The following ZSWIM5 variants were observed in gnomAD, a reference collection of about 807,000 sequenced individuals.
ZSWIM5 encodes the protein zinc finger SWIM-type containing 5, also known as zinc finger SWIM domain-containing protein 5.
Under a neutral mutation model 119.6 loss-of-function variants are expected in ZSWIM5, and 55 were observed. That is an observed-to-expected ratio of 0.46 (90% CI 0.37 to 0.58). The LOEUF is 0.58. Ranked by LOEUF, ZSWIM5 falls within the 20% of genes least tolerant of loss-of-function variation. The pLI, the probability that ZSWIM5 is intolerant of heterozygous loss-of-function variation, is 0.00. For missense variants in ZSWIM5, 1,193 were observed against 1,512.8 expected, an observed-to-expected ratio of 0.79 and a Z score of 3.51; for synonymous variants, 537 against 606.9, an observed-to-expected ratio of 0.88 and a Z score of 1.69.
At chr1:45,053,740 G>A (rs554781411) in intron 4 of ZSWIM5, among the ~76,000 whole-genome samples, 1 of 133,110 alleles carries the variant, frequency 7.5e-6, no homozygotes, top group African/African-American at 2.8e-5. Context: ...TCCAGCCTGG[G>A]CGACAGAGCG....
chr1:45,121,137 G>A lies in ZSWIM5; in HGVS notation c.596-32900C>T, dbSNP rs182696253. 1.8e-4 allele frequency among the ~76,000 whole-genome samples: 28 copies of A among 152,198 alleles called. No individual in the cohort carries two copies. The East Asian group carries it at 4.4e-3, about 24-fold the overall frequency. On this transcript the variant is annotated intron_variant, in intron 1 of 13. Coordinates refer to ENST00000359600, the MANE Select transcript of ZSWIM5 (RefSeq NM_020883.2). ...GTTAATTTTTTGTATTTTTTTAGTA[G>A]AGACAGGGTTTCACCATGTTAGCCA...
rs1391642764 is a variant in ZSWIM5, at chr1:45,017,400, G to A, written c.*1054C>T. 2.6e-5 allele frequency: 4 copies of A among 152,228 alleles called. 1 individual carries two copies. The South Asian group carries it at 8.3e-4, about 31-fold the overall frequency. The allele number at this position is 152,228 out of a possible 1,614,324, so 9.4% of individuals were successfully genotyped here. A position where few individuals can be genotyped will look rare whatever the true frequency, so the allele number is the denominator to read the frequency against. ...AACATGAGTGCATTTGCACAAAGAT[G>A]TGCATCCTCACATGTACACAAAATG... is the stretch of plus-strand genomic sequence containing the variant. On this transcript the variant is annotated 3_prime_UTR_variant, in exon 14 of 14. Transcript: ENST00000359600.
intron 1 of ZSWIM5, among the ~76,000 whole-genome samples, chr1:45,124,490 T>TA (rs142892227): frequency 6.6e-6 from 1 of 152,094 alleles, no homozygotes; most frequent in East Asian, 1.9e-4. Flanking sequence ...ATGCTATAGA[T>TA]AGATCAAAAT....
intron 1 of ZSWIM5, among the ~76,000 whole-genome samples, chr1:45,131,199 T>C (rs757982523): frequency 7.9e-5 from 12 of 152,134 alleles, no homozygotes; most frequent in Non-Finnish European, 1.8e-4. Context: ...AATATCCTGG[T>C]TGTAATATTC....
intron 1 of ZSWIM5, among the ~76,000 whole-genome samples, chr1:45,131,866 T>A (rs1016650392): frequency 2.6e-5 from 4 of 151,380 alleles, no homozygotes; most frequent in Non-Finnish European, 5.9e-5. Context: ...TTACAATTAG[T>A]AGCTAACAAG....
chr1:45,114,951 C>T lies in ZSWIM5; in HGVS notation c.596-26714G>A, dbSNP rs997754633. On this transcript the variant is annotated intron_variant, in intron 1 of 13. Transcript: ENST00000359600. The stretch of plus-strand genomic sequence containing the variant: ...GACACAGCACATGTTTCAGAGAGCA[C>T]GGGGTTGGGGGTAAGGTCATAGATC... Among the ~76,000 whole-genome samples, 64 of 152,102 alleles carry T rather than the reference C, an allele frequency of 4.2e-4. 1 individual carries two copies. The highest frequency in any genetic ancestry group is 1.5e-3 in the African/African-American group (63 of 41,422).
intron 1 of ZSWIM5, among the ~76,000 whole-genome samples, chr1:45,114,679 T>C (rs926506730): frequency 2.0e-5 from 3 of 151,844 alleles, no homozygotes; most frequent in African/African-American, 7.3e-5. Context: ...TGATCATTCT[T>C]GGGTGTTTCT....
At chr1:45,029,948 G>A (rs56363435) in intron 11 of ZSWIM5, among the ~76,000 whole-genome samples, 76 of 151,074 alleles carry the variant, frequency 5.0e-4, no homozygotes, top group Non-Finnish European at 9.6e-4. Flanking sequence ...ATTTTTTTTC[G>A]ACCCACCTAC....
intron 13 of ZSWIM5, 35 bp downstream of exon 13, chr1:45,020,030 CT>C (rs1432278710): frequency 1.3e-6 from 2 of 1,595,484 alleles, no homozygotes; most frequent in Admixed American, 1.7e-5. Context: ...CTAGAAACTC[CT>C]TTCCCCTGGG....
chr1:45,084,318 C>T (rs1164282598), intron 2 of ZSWIM5, among the ~76,000 whole-genome samples: 1 of 152,134 alleles, frequency 6.6e-6, no homozygotes, highest in Non-Finnish European at 1.5e-5. Context: ...GGCCCTTCTC[C>T]AACAGTGGGG....
At chr1:45,035,279 T>C (rs1221190425) in intron 10 of ZSWIM5, among the ~76,000 whole-genome samples, 1 of 152,170 alleles carries the variant, frequency 6.6e-6, no homozygotes, top group Non-Finnish European at 1.5e-5. Flanking sequence ...TGTTCTCAAG[T>C]CTTGGGGTAA....
chr1:45,193,938 G>GTGTATATATATATA (rs766920512), intron 1 of ZSWIM5, among the ~76,000 whole-genome samples: 39 of 146,274 alleles, frequency 2.7e-4, no homozygotes, highest in Non-Finnish European at 4.2e-4. Context: ...GTGCATATGT[G>GTGTATATATATATA]TATATATATA....
At chr1:45,048,443 G>A (rs1170595175) in intron 5 of ZSWIM5, among the ~76,000 whole-genome samples, 7 of 152,142 alleles carry the variant, frequency 4.6e-5, no homozygotes, top group Non-Finnish European at 8.8e-5. Flanking sequence ...CAAAGACAAA[G>A]AGGGAGTTAA....
At chr1:45,067,064 G>A (rs1186861370) in intron 2 of ZSWIM5, among the ~76,000 whole-genome samples, 1 of 152,126 alleles carries the variant, frequency 6.6e-6, no homozygotes, top group Non-Finnish European at 1.5e-5. Flanking sequence ...TCACATTTGG[G>A]TATGTTGATC....
intron 1 of ZSWIM5, among the ~76,000 whole-genome samples, chr1:45,135,323 G>A (rs1645682834): frequency 1.3e-5 from 2 of 152,116 alleles, no homozygotes; most frequent in South Asian, 4.1e-4. Context: ...TGTTTTGCAA[G>A]ATGAAAAAGT....
intron 1 of ZSWIM5, among the ~76,000 whole-genome samples, chr1:45,164,196 C>G (rs1645884512): frequency 6.6e-6 from 1 of 152,104 alleles, no homozygotes; most frequent in African/African-American, 2.4e-5. Flanking sequence ...ATTTTCAACC[C>G]AGAATTTCAT....
intron 1 of ZSWIM5, among the ~76,000 whole-genome samples, chr1:45,189,748 T>C (rs1646080290): frequency 6.6e-6 from 1 of 151,902 alleles, no homozygotes; most frequent in African/African-American, 2.4e-5. Context: ...AGAGCTGGAT[T>C]TCGTCTCAAA....
chr1:45,162,640 C>T (rs144650598), intron 1 of ZSWIM5, among the ~76,000 whole-genome samples: 153 of 152,340 alleles, frequency 1.0e-3, no homozygotes, highest in African/African-American at 3.1e-3. Context: ...GCTTTTCCAA[C>T]GATCTTAGCA....
At chr1:45,180,337 G>A (rs538528238) in intron 1 of ZSWIM5, among the ~76,000 whole-genome samples, 1 of 152,318 alleles carries the variant, frequency 6.6e-6, no homozygotes, top group African/African-American at 2.4e-5. Context: ...TGCTAGCACA[G>A]CAGTCTGAGA....
Sources: allele counts gnomAD v4.1 joint callset (sites outside exome capture counted in the v4.1 genomes callset), GRCh38; gene constraint gnomAD v4.1.1; transcripts MANE v1.5; gene names NCBI Gene and HGNC (gene_info 2026-07-23, HGNC 2026-07-21).